Variants in TNFAIP8 observed in about 807,000 individuals in gnomAD.
The protein encoded by TNFAIP8 is tumor necrosis factor alpha-induced protein 8.
TNFAIP8 carries 7 observed loss-of-function variants against 13.3 expected under a neutral mutation model. That is an observed-to-expected ratio of 0.52 (90% CI 0.30 to 0.99). The LOEUF (loss-of-function observed/expected upper bound fraction) is 0.99. Among genes scored for constraint, TNFAIP8 ranks in the 50% least tolerant of loss-of-function variants. TNFAIP8 has a pLI of 0.07. For synonymous variants in TNFAIP8, 94 were observed against 87.6 expected, an observed-to-expected ratio of 1.07 and a Z score of -0.41; for missense variants, 258 against 236.9, an observed-to-expected ratio of 1.09 and a Z score of -0.58.
intron 1 of TNFAIP8, among the ~76,000 whole-genome samples, chr5:119,271,123 G>A (rs2150797686): frequency 6.6e-6 from 1 of 152,352 alleles, no homozygotes; most frequent in South Asian, 2.1e-4. Flanking sequence ...AAACCTGGGG[G>A]TGAACACACT....
At chr5:119,289,562 G>A (rs145102106) in intron 1 of TNFAIP8, among the ~76,000 whole-genome samples, 9 of 152,338 alleles carry the variant, frequency 5.9e-5, no homozygotes, top group African/African-American at 2.2e-4. Context: ...TGGGGCTGAG[G>A]CAGGGTGCCT....
At chr5:119,367,652 G>T (rs559713879) in intron 1 of TNFAIP8, among the ~76,000 whole-genome samples, 148 of 152,300 alleles carry the variant, frequency 9.7e-4, no homozygotes, top group Non-Finnish European at 1.5e-3. Context: ...CATGTAGGCA[G>T]CTACTAAACT....
chr5:119,313,965 AAGTT>A (rs1749807541), intron 1 of TNFAIP8, among the ~76,000 whole-genome samples: 1 of 152,232 alleles, frequency 6.6e-6, no homozygotes, highest in Non-Finnish European at 1.5e-5. Flanking sequence ...AAACAAAATT[AAGTT>A]AGTTTTCCTT....
chr5:119,344,359 T>C (rs147957722), intron 1 of TNFAIP8, among the ~76,000 whole-genome samples: 170 of 152,238 alleles, frequency 1.1e-3, no homozygotes, highest in African/African-American at 3.0e-3. Flanking sequence ...CTCGTTACCA[T>C]GGGGAGGGCA....
intron 1 of TNFAIP8, among the ~76,000 whole-genome samples, chr5:119,272,719 G>T (rs1288990411): frequency 6.6e-6 from 1 of 152,156 alleles, no homozygotes; most frequent in African/African-American, 2.4e-5. Flanking sequence ...TTTTTCTCTG[G>T]AAGCAAGTGT....
At chr5:119,327,237 C>T (rs927646227) in intron 1 of TNFAIP8, among the ~76,000 whole-genome samples, 2 of 152,032 alleles carry the variant, frequency 1.3e-5, no homozygotes, top group East Asian at 1.9e-4. Context: ...TAGGCTGAGG[C>T]GGATGGGGGC....
Position 119,302,923 on chromosome 5 carries a change from C to T in TNFAIP8, c.1+34016C>T, listed in dbSNP as rs143967546. ...CCATTCCTGAGTGGAGACATTATTG[C>T]GAATTGTTACGCAGTCAGCCATTAG... On this transcript the variant is annotated intron_variant, in intron 1 of 1. Coordinates refer to the TNFAIP8 transcript ENST00000274456. Among the ~76,000 whole-genome samples the T allele has an allele frequency of 7.8e-3, 1,182 of 152,230 alleles. 16 individuals are homozygous for T. Among genetic ancestry groups the T allele is most frequent in the South Asian group, 0.049 (238 of 4,826 alleles).
chr5:119,382,218 C>T (rs1318051723), intron 1 of TNFAIP8, among the ~76,000 whole-genome samples: 1 of 152,198 alleles, frequency 6.6e-6, no homozygotes, highest in African/African-American at 2.4e-5. Flanking sequence ...CCTAACCTCC[C>T]TCTATCACCC....
At chr5:119,287,842 A>ACAGTTT (rs1748850936) in intron 1 of TNFAIP8, among the ~76,000 whole-genome samples, 1 of 152,232 alleles carries the variant, frequency 6.6e-6, no homozygotes, top group South Asian at 2.1e-4. Context: ...CAGGCTAGAC[A>ACAGTTT]CAGTTTCTTT....
At chr5:119,350,894 C>A (rs560679183) in intron 1 of TNFAIP8, among the ~76,000 whole-genome samples, 7 of 152,004 alleles carry the variant, frequency 4.6e-5, no homozygotes, top group Non-Finnish European at 1.0e-4. Context: ...ATCAGCCTCC[C>A]CAGTCTTATC....
chr5:119,347,413 G>C (rs1487045153), intron 1 of TNFAIP8, among the ~76,000 whole-genome samples: 2 of 152,304 alleles, frequency 1.3e-5, no homozygotes, highest in African/African-American at 4.8e-5. Context: ...TAAAATGTCT[G>C]TTGAAACAGA....
At chr5:119,295,467 C>T (rs1251093354) in intron 1 of TNFAIP8, among the ~76,000 whole-genome samples, 1 of 151,804 alleles carries the variant, frequency 6.6e-6, no homozygotes, top group African/African-American at 2.4e-5. Flanking sequence ...TCTGAGGGCT[C>T]TGTTCTGTTC....
chr5:119,268,912 G>A (rs1234886915), intron 1 of TNFAIP8: 2 of 700,266 alleles, frequency 2.9e-6, no homozygotes, highest in East Asian at 2.7e-5. Context: ...CTCCGAGTAA[G>A]TGGCTCCTGG....
At chr5:119,313,041 T>C (rs1180614560) in intron 1 of TNFAIP8, among the ~76,000 whole-genome samples, 1 of 152,186 alleles carries the variant, frequency 6.6e-6, no homozygotes, top group African/African-American at 2.4e-5. Flanking sequence ...TAAGAAGGGT[T>C]AAATTATATT....
intron 1 of TNFAIP8, among the ~76,000 whole-genome samples, chr5:119,287,073 AT>A: frequency 6.6e-6 from 1 of 152,102 alleles, no homozygotes; most frequent in South Asian, 2.1e-4. Context: ...TTTCCTGGAC[AT>A]CATTAGCCTA....
chr5:119,292,849 G>A (rs1437940995), intron 1 of TNFAIP8, among the ~76,000 whole-genome samples: 5 of 151,664 alleles, frequency 3.3e-5, no homozygotes, highest in Admixed American at 6.6e-5. Flanking sequence ...TGGAAAAGGC[G>A]AATCTGTAAA....
chr5:119,286,932 A>G (rs1307530404), intron 1 of TNFAIP8, among the ~76,000 whole-genome samples: 2 of 152,298 alleles, frequency 1.3e-5, no homozygotes, highest in Admixed American at 6.5e-5. Flanking sequence ...GCCAGATGTG[A>G]TGCCTACTCC....
At chr5:119,294,264 T>A (rs1289116970) in intron 1 of TNFAIP8, among the ~76,000 whole-genome samples, 1 of 149,836 alleles carries the variant, frequency 6.7e-6, no homozygotes, top group Non-Finnish European at 1.5e-5. Flanking sequence ...TTCTCATTGT[T>A]CAATTCCCAC....
intron 1 of TNFAIP8, among the ~76,000 whole-genome samples, chr5:119,378,920 C>T (rs1333923025): frequency 6.6e-6 from 1 of 151,906 alleles, no homozygotes; most frequent in Non-Finnish European, 1.5e-5. Context: ...CAAAGAGAGC[C>T]TGGCATGGTG....
Sources: allele counts gnomAD v4.1 joint callset (sites outside exome capture counted in the v4.1 genomes callset), GRCh38; gene constraint gnomAD v4.1.1; transcripts MANE v1.5; gene names NCBI Gene and HGNC (gene_info 2026-07-23, HGNC 2026-07-21).